Variants in IQUB observed in about 807,000 individuals in gnomAD.
The protein encoded by IQUB is IQ motif and ubiquitin-like domain-containing protein.
IQUB carries 86 observed loss-of-function variants against 86.4 expected under a neutral mutation model. That is an observed-to-expected ratio of 1.00 (90% CI 0.84 to 1.19). IQUB has a LOEUF of 1.19. Ranked by LOEUF, IQUB falls within the 50% of genes most tolerant of loss-of-function variation. The pLI is 0.00. For missense variants in IQUB, 946 were observed against 916.9 expected, an observed-to-expected ratio of 1.03 and a Z score of -0.41; for synonymous variants, 289 against 304.5, an observed-to-expected ratio of 0.95 and a Z score of 0.53.
At chr7:123,526,008 G>A (rs961134031) in intron 1 of IQUB, among the ~76,000 whole-genome samples, 58 of 145,620 alleles carry the variant, frequency 4.0e-4, no homozygotes, top group Middle Eastern at 3.4e-3. Flanking sequence ...GTAGTTAAGC[G>A]GTTTTGAGTG....
Position 123,463,344 on chromosome 7 carries a change from T to C in IQUB, c.1758+1489A>G, listed in dbSNP as rs1794091856. 1.3e-5 allele frequency among the ~76,000 whole-genome samples: 2 copies of C among 151,680 alleles called. 1 individual carries two copies. The highest frequency in any genetic ancestry group is 1.3e-4 in the Admixed American group (2 of 15,184). Reference sequence around the variant, plus strand: ...AAAAACTCATATCTAGTGCTTGTAATGATTTTATTCATAAAAGACCAAAAC... The same window carrying C: ...AAAAACTCATATCTAGTGCTTGTAACGATTTTATTCATAAAAGACCAAAAC... On this transcript the variant is annotated intron_variant, in intron 10 of 12. Coordinates refer to ENST00000324698, the MANE Select transcript of IQUB (RefSeq NM_178827.5).
In IQUB at chr7:123,534,273, C is replaced by T. The variant is rs1341789523; in HGVS notation, c.-5+219G>A. ...GATGCTGCTGGTTCAAGTCCCAAAT[C>T]AGAGAGGGGAAGCCAAAAAAGGAGC... On this transcript the variant is annotated intron_variant, in intron 1 of 12. Transcript: ENST00000324698. 5.3e-5 allele frequency among the ~76,000 whole-genome samples: 8 copies of T among 152,250 alleles called. No homozygotes were observed. The East Asian group carries it at 1.5e-3, about 29-fold the overall frequency.
At chr7:123,463,780 A>C (rs543130559) in intron 10 of IQUB, among the ~76,000 whole-genome samples, 1 of 151,922 alleles carries the variant, frequency 6.6e-6, no homozygotes, top group African/African-American at 2.4e-5. Flanking sequence ...GACAAATTTT[A>C]AAAATAAATA....
chr7:123,469,783 T>C (rs1794442701), intron 8 of IQUB, among the ~76,000 whole-genome samples: 1 of 152,184 alleles, frequency 6.6e-6, no homozygotes, highest in South Asian at 2.1e-4. Context: ...TGTAGAGTAA[T>C]TATGACAATC....
chr7:123,453,005 T>C, intron 12 of IQUB, 80 bp from the exon 13 acceptor site: 1 of 1,050,162 alleles, frequency 9.5e-7, no homozygotes, highest in Non-Finnish European at 1.4e-6. Flanking sequence ...CCTCGGTGCC[T>C]TTGCTTGTCA....
intron 1 of IQUB, among the ~76,000 whole-genome samples, chr7:123,513,810 A>C (rs1399803324): frequency 6.6e-6 from 1 of 152,062 alleles, no homozygotes. Context: ...TACCACACTC[A>C]GCTTATTTTT....
intron 9 of IQUB, among the ~76,000 whole-genome samples, chr7:123,466,149 G>T (rs949973530): frequency 6.6e-6 from 1 of 151,966 alleles, no homozygotes; most frequent in African/African-American, 2.4e-5. Context: ...TGACAAAACT[G>T]ATTTTCATAA....
intron 1 of IQUB, among the ~76,000 whole-genome samples, chr7:123,525,133 G>A (rs1453029238): frequency 6.6e-6 from 1 of 152,178 alleles, no homozygotes; most frequent in East Asian, 1.9e-4. Context: ...TTGCATCAAT[G>A]TTCATCAAGG....
At position 123,452,675 on chromosome 7, in the gene IQUB, G is replaced by A. The variant is rs1793476307; in HGVS notation, c.*68C>T. On this transcript the variant is annotated 3_prime_UTR_variant, in exon 13 of 13. Coordinates refer to ENST00000324698, the MANE Select transcript of IQUB (RefSeq NM_178827.5). ...AGATTAAATTCCATTTCCATACTCT[G>A]TGACCTCTGTATTACCCTATTAGCA... The A allele has an allele frequency of 2.0e-6, 2 of 1,003,604 alleles. No individual in the cohort carries two copies. Among genetic ancestry groups the A allele is most frequent in the Non-Finnish European group, 2.9e-6 (2 of 689,860 alleles). 62.2% of individuals were successfully genotyped at this position (1,003,604 alleles called of 1,614,324 possible). A position where few individuals can be genotyped will look rare whatever the true frequency, so the allele number is the denominator to read the frequency against.
At position 123,452,827 on chromosome 7, in the gene IQUB, A is replaced by C. The variant is rs1468338617; in HGVS notation, c.2292T>G (p.Asp764Glu). ...ATCTGATCTCATCAATTTCACCATC[A>C]TCAAGTATAAATGAAGCCAGCACTG... ...QVPVLASFIL[D>E]DGEIDEIRWK... Residue 764 changes from aspartate to glutamate, a missense_variant, in exon 13 of 13, where the codon GAT becomes GAG. Physicochemically the swap from Asp to Glu is conservative, Grantham distance 45 (BLOSUM62 2). Transcript: ENST00000324698. The C allele has an allele frequency of 6.2e-7, 1 of 1,613,654 alleles. No individual in the cohort carries two copies. The highest frequency in any genetic ancestry group is 1.1e-5 in the South Asian group (1 of 91,042).
rs562000767 is a variant in IQUB at position 123,482,039 on chromosome 7, A to C, written c.1235-2069T>G. 8.0e-4 allele frequency among the ~76,000 whole-genome samples: 121 copies of C among 152,142 alleles called. 1 individual carries two copies. Among genetic ancestry groups the C allele is most frequent in the African/African-American group, 2.8e-3 (118 of 41,542 alleles). ...AACGGTTAGCAGATATGAACAAAAA[A>C]GAAAGCAGAAATAGCAATATTAAAA... On this transcript the variant is annotated intron_variant, in intron 7 of 12. Coordinates refer to ENST00000324698, the MANE Select transcript of IQUB (RefSeq NM_178827.5).
At chr7:123,475,783 C>G (rs1405464492) in intron 8 of IQUB, among the ~76,000 whole-genome samples, 1 of 152,088 alleles carries the variant, frequency 6.6e-6, no homozygotes, top group Non-Finnish European at 1.5e-5. Flanking sequence ...ATTTGTGTTG[C>G]CCTGGGCCCA....
chr7:123,489,755 T>A (rs1795376798), intron 7 of IQUB, among the ~76,000 whole-genome samples: 2 of 151,026 alleles, frequency 1.3e-5, no homozygotes, highest in Non-Finnish European at 1.5e-5. Flanking sequence ...TGAAAAACAG[T>A]GTTAAAAATG....
At chr7:123,453,397 A>G (rs1425848762) in intron 12 of IQUB, among the ~76,000 whole-genome samples, 1 of 148,670 alleles carries the variant, frequency 6.7e-6, no homozygotes, top group Non-Finnish European at 1.5e-5. Context: ...ATAACTAAAT[A>G]TCTTCCAAGA....
chr7:123,492,392 C>G (rs144405655), intron 7 of IQUB, among the ~76,000 whole-genome samples: 2 of 152,178 alleles, frequency 1.3e-5, no homozygotes, highest in Non-Finnish European at 2.9e-5. Flanking sequence ...GATGTTATAC[C>G]TAAATTCAAA....
chr7:123,461,549 C>G lies in IQUB; in HGVS notation c.1815G>C (p.Gln605His). 1.2e-6 allele frequency: 2 copies of G among 1,611,658 alleles called. No homozygotes were observed. Among genetic ancestry groups the G allele is most frequent in the Non-Finnish European group, 1.7e-6 (2 of 1,178,626 alleles). ...AAAATTCTGTAGAAGGCAAATAAAG[C>G]TGGCAACTGTGGCAAAAGTAAATCT... The part of the protein sequence containing the change: ...YKKIYFCHSC[Q>H]LYLPSTEFSV... The change falls in exon 11 of 13, where the codon CAG becomes CAC. Residue 605 changes from glutamine to histidine, a missense_variant. Physicochemically the swap from Gln to His is conservative, Grantham distance 24 (BLOSUM62 0). Transcript: ENST00000324698.
intron 7 of IQUB, among the ~76,000 whole-genome samples, chr7:123,489,390 G>C (rs530234334): frequency 6.6e-6 from 1 of 152,190 alleles, no homozygotes; most frequent in East Asian, 1.9e-4. Context: ...ATGTAATATA[G>C]AGTAGGATAT....
At chr7:123,468,290 T>G (rs887332699) in intron 9 of IQUB, among the ~76,000 whole-genome samples, 1 of 152,206 alleles carries the variant, frequency 6.6e-6, no homozygotes, top group Non-Finnish European at 1.5e-5. Context: ...GTATCTCTTG[T>G]GGCCTTAAAG....
At chr7:123,485,014 A>C (rs1353377990) in intron 7 of IQUB, among the ~76,000 whole-genome samples, 11 of 152,128 alleles carry the variant, frequency 7.2e-5, no homozygotes, top group Non-Finnish European at 4.4e-5. Context: ...CAGAAGAGAC[A>C]CTGGGTGAGG....
Sources: allele counts gnomAD v4.1 joint callset (sites outside exome capture counted in the v4.1 genomes callset), GRCh38; gene constraint gnomAD v4.1.1; transcripts MANE v1.5; gene names NCBI Gene and HGNC (gene_info 2026-07-23, HGNC 2026-07-21).